The following AOPEP variants were observed in gnomAD, a reference collection of about 807,000 sequenced individuals.
AOPEP encodes the protein aminopeptidase O.
Under a neutral mutation model 98.1 loss-of-function variants are expected in AOPEP, and 77 were observed. The observed-to-expected ratio is 0.78, with a 90% CI of 0.65 to 0.95. AOPEP has a LOEUF of 0.95. Ranked by LOEUF, AOPEP falls within the 40% of genes least tolerant of loss-of-function variation. The pLI, the probability that AOPEP is intolerant of heterozygous loss-of-function variation, is 0.00. For synonymous variants in AOPEP, 346 were observed against 365.3 expected, an observed-to-expected ratio of 0.95 and a Z score of 0.60; for missense variants, 1,024 against 1,024.7, an observed-to-expected ratio of 1.00 and a Z score of 0.01.
chr9:95,058,350 A>G (rs557595618), intron 13 of AOPEP, among the ~76,000 whole-genome samples: 9 of 152,216 alleles, frequency 5.9e-5, no homozygotes, highest in Non-Finnish European at 1.2e-4. Context: ...GCACAAGCGT[A>G]TAATATGGGG....
the AOPEP span, chr9:95,110,459 T>G: frequency 9.7e-7 from 1 of 1,028,888 alleles, no homozygotes; most frequent in Non-Finnish European, 1.2e-6. Context: ...GGGGAAGAAA[T>G]AAAAAGCTTT....
chr9:95,045,851 T>A (rs1016935944), intron 13 of AOPEP, among the ~76,000 whole-genome samples: 1 of 152,134 alleles, frequency 6.6e-6, no homozygotes, highest in African/African-American at 2.4e-5. Context: ...ACCAGTAGAT[T>A]TCAGGCAGCA....
At chr9:94,896,727 A>G (rs1457206070) in intron 5 of AOPEP, among the ~76,000 whole-genome samples, 1 of 152,216 alleles carries the variant, frequency 6.6e-6, no homozygotes, top group Non-Finnish European at 1.5e-5. Flanking sequence ...ATCAAAATCT[A>G]GGAATGTCTG....
intron 13 of AOPEP, among the ~76,000 whole-genome samples, chr9:95,057,602 T>C (rs2066937291): frequency 6.6e-6 from 1 of 152,272 alleles, no homozygotes; most frequent in Non-Finnish European, 1.5e-5. Context: ...TATGCTCTTT[T>C]TAAGGTCTAT....
At chr9:94,817,123 C>G (rs753304543) in intron 5 of AOPEP, among the ~76,000 whole-genome samples, 1 of 152,162 alleles carries the variant, frequency 6.6e-6, no homozygotes, top group Non-Finnish European at 1.5e-5. Flanking sequence ...ACCCCAGCCC[C>G]CTGAGTAAGC....
chr9:95,021,969 T>C (rs2063491396), intron 13 of AOPEP: 1 of 152,242 alleles, frequency 6.6e-6, no homozygotes, highest in Non-Finnish European at 1.5e-5. Flanking sequence ...GAACCCCTGA[T>C]GGAGTTCAAG....
the AOPEP span, chr9:95,150,034 G>A: frequency 6.2e-7 from 1 of 1,614,102 alleles, no homozygotes; most frequent in Non-Finnish European, 8.5e-7. Context: ...ATCTGTCAGG[G>A]TAATAAGTGG....
At chr9:94,729,029 G>A (rs1438402256) in intron 1 of AOPEP, among the ~76,000 whole-genome samples, 4 of 151,904 alleles carry the variant, frequency 2.6e-5, no homozygotes, top group Non-Finnish European at 5.9e-5. Flanking sequence ...AACATGAAGG[G>A]TTGCCTGTCC....
intron 5 of AOPEP, among the ~76,000 whole-genome samples, chr9:94,896,710 C>A (rs1041499029): frequency 6.6e-6 from 1 of 152,152 alleles, no homozygotes; most frequent in African/African-American, 2.4e-5. Context: ...TTAAAACTGT[C>A]AAGGTCATCA....
chr9:95,101,533 C>G, the AOPEP span: 2 of 776,612 alleles, frequency 2.6e-6, no homozygotes, highest in South Asian at 3.3e-5. Flanking sequence ...AGGGACCTGG[C>G]TCTGCATTTT....
chr9:94,774,682 G>A (rs551495703), intron 3 of AOPEP, among the ~76,000 whole-genome samples: 1 of 152,068 alleles, frequency 6.6e-6, no homozygotes, highest in South Asian at 2.1e-4. Flanking sequence ...TATAAATAAA[G>A]TTGCATTAAA....
intron 4 of AOPEP, among the ~76,000 whole-genome samples, chr9:94,796,611 A>G (rs1004591583): frequency 4.6e-5 from 7 of 152,346 alleles, no homozygotes; most frequent in Non-Finnish European, 8.8e-5. Context: ...TCATTTGCCT[A>G]AAGTGCTCAT....
chr9:94,920,013 C>T (rs926609756), intron 5 of AOPEP, among the ~76,000 whole-genome samples: 13 of 152,130 alleles, frequency 8.5e-5, no homozygotes, highest in Admixed American at 1.3e-4. Flanking sequence ...TGCGGCCAGG[C>T]GCAGTGACTC....
chr9:94,953,794 T>A (rs540923492), intron 7 of AOPEP, among the ~76,000 whole-genome samples: 2 of 152,166 alleles, frequency 1.3e-5, no homozygotes, highest in Non-Finnish European at 2.9e-5. Flanking sequence ...TCAGTGTTGA[T>A]CCAGTGAGTG....
chr9:95,147,283 C>T, the AOPEP span, among the ~76,000 whole-genome samples: 12 of 152,036 alleles, frequency 7.9e-5, no homozygotes, highest in Admixed American at 3.3e-4. Flanking sequence ...TTTGGGAGGC[C>T]GAGGTGGGTG....
At chr9:95,105,103 C>T in the AOPEP span, among the ~76,000 whole-genome samples, 1 of 152,222 alleles carries the variant, frequency 6.6e-6, no homozygotes, top group Non-Finnish European at 1.5e-5. Context: ...CATGTGGCAG[C>T]CAGTCGTCTT....
rs1020296199 is a variant in AOPEP, at chr9:95,030,472, T to C, written c.2115+24856T>C. ...AACTGCAGCTGTAGTCCTGGGGATA[T>C]GTATACCTTAACTGATTCCATTTGA... On this transcript the variant is annotated intron_variant, in intron 13 of 16. Transcript: ENST00000375315. 3.3e-5 allele frequency among the ~76,000 whole-genome samples: 5 copies of C among 152,372 alleles called. No homozygotes were observed. The East Asian group carries it at 9.6e-4, about 29-fold the overall frequency.
At position 94,756,364 on chromosome 9, in the gene AOPEP, G is replaced by A. The variant is rs190885721; in HGVS notation, c.-135-3285G>A. Among the ~76,000 whole-genome samples the A allele has an allele frequency of 6.3e-4, 96 of 151,982 alleles. 2 individuals carry two copies. In the East Asian group the frequency reaches 0.014, roughly 22 times the overall value. On this transcript the variant is annotated intron_variant, in intron 1 of 16. Coordinates refer to ENST00000375315, the MANE Select transcript of AOPEP (RefSeq NM_001193329.3). ...AGATCGCCTGAGCTGAAGAGTTCAA[G>A]ACCAGCCTGGGCAACATGGCAAGAC...
intron 5 of AOPEP, among the ~76,000 whole-genome samples, chr9:94,874,929 A>G (rs1338811928): frequency 6.6e-6 from 1 of 152,230 alleles, no homozygotes; most frequent in Non-Finnish European, 1.5e-5. Context: ...TATTTATAAT[A>G]TCCTGCCAAA....
Sources: allele counts gnomAD v4.1 joint callset (sites outside exome capture counted in the v4.1 genomes callset), GRCh38; gene constraint gnomAD v4.1.1; transcripts MANE v1.5; gene names NCBI Gene and HGNC (gene_info 2026-07-23, HGNC 2026-07-21).